CCDC57: variants seen among roughly 807,000 people sequenced by gnomAD.
CCDC57 encodes coiled-coil domain-containing protein 57.
CCDC57 carries 118 observed loss-of-function variants against 118.9 expected under a neutral mutation model. The observed-to-expected ratio is 0.99, with a 90% CI of 0.86 to 1.16. The LOEUF (loss-of-function observed/expected upper bound fraction) is 1.16. Among genes scored for constraint, CCDC57 ranks in the 50% most tolerant of loss-of-function variants. The pLI is 0.00. For missense variants in CCDC57, 1,300 were observed against 1,320.7 expected (o/e 0.98, Z 0.24); for synonymous variants, 527 against 532.9 (o/e 0.99, Z 0.15).
rs143792474 is a variant in CCDC57 at position 82,149,121 on chromosome 17, CATGG to C, written c.2455+2435_2455+2438del. On this transcript the variant is annotated intron_variant, in intron 16 of 19. Coordinates refer to ENST00000665763, the Ensembl canonical transcript of CCDC57. ...GATGGGTAGATGGGATAAGTGGTTG[CATGG>C]ATGGATGGATGGATGGATGGGTGGA... 3.0e-4 allele frequency among the ~76,000 whole-genome samples: 13 copies of C among 43,158 alleles called. 1 individual carries two copies. The South Asian group carries it at 0.012, about 39-fold the overall frequency. The allele number at this position is 43,158 out of a possible 152,430, so 28.3% of individuals were successfully genotyped here. A position where few individuals can be genotyped will look rare whatever the true frequency, so the allele number is the denominator to read the frequency against.
At chr17:82,195,116 C>T in intron 5 of CCDC57, 147 bp downstream of exon 4, 3 of 671,836 alleles carry the variant, frequency 4.5e-6, no homozygotes, top group Non-Finnish European at 8.0e-6. Flanking sequence ...ATCCACATGG[C>T]CCACCTGCTC....
At chr17:82,151,199 GCACATCCAGAACCTGACC>G (rs2041988661) in intron 16 of CCDC57, among the ~76,000 whole-genome samples, 18 of 47,386 alleles carry the variant, frequency 3.8e-4, no homozygotes, top group Admixed American at 4.5e-4. Flanking sequence ...AGAACCAGGC[GCACATCCAGAACCTGACC>G]CACACCCAGA....
chr17:82,121,923 C>G (rs566105688), intron 19 of CCDC57, among the ~76,000 whole-genome samples: 1 of 152,336 alleles, frequency 6.6e-6, no homozygotes, highest in South Asian at 2.1e-4. Flanking sequence ...CTTAACTGAT[C>G]CACACCAGCC....
chr17:82,149,634 G>A (rs184175821), intron 16 of CCDC57, among the ~76,000 whole-genome samples: 1 of 152,164 alleles, frequency 6.6e-6, no homozygotes, highest in South Asian at 2.1e-4. Flanking sequence ...AGTGGCCTCC[G>A]ACCAGGCCCC....
In CCDC57 at chr17:82,113,324, GT is replaced by G. The variant is rs773362904; in HGVS notation, c.2900-11459del. ...CCTGTAGCTTCAGTGACAAGGTGCT[GT>G]GGGGCTGTGCATCCAGCCTCATAAA... On this transcript the variant is annotated intron_variant, in intron 19 of 19. Transcript: ENST00000665763. 51 of 695,264 alleles carry G rather than the reference GT, an allele frequency of 7.3e-5. No individual in the cohort carries two copies. The South Asian group carries it at 7.5e-4, about 10-fold the overall frequency. The allele number at this position is 695,264 out of a possible 1,614,324, so 43.1% of individuals were successfully genotyped here. A position where few individuals can be genotyped will look rare whatever the true frequency, so the allele number is the denominator to read the frequency against.
rs573317569 is a variant in CCDC57 at position 82,133,203 on chromosome 17, T to C, written c.2577+870A>G. 9.2e-5 allele frequency among the ~76,000 whole-genome samples: 14 copies of C among 152,030 alleles called. No homozygotes were observed. The South Asian group carries it at 2.5e-3, about 27-fold the overall frequency. ...CTGGGCAACATGGCAAAACTCCATT[T>C]AAACAAAAAATATAAAAATTAGCCA... On this transcript the variant is annotated intron_variant, in intron 17 of 19. Coordinates refer to ENST00000665763, the Ensembl canonical transcript of CCDC57.
At chr17:82,139,200 T>A (rs1051407422) in intron 16 of CCDC57, among the ~76,000 whole-genome samples, 2 of 152,242 alleles carry the variant, frequency 1.3e-5, no homozygotes, top group African/African-American at 4.8e-5. Context: ...TGTCTAGAAC[T>A]CTTTTTTGGA....
chr17:82,109,011 T>C (rs1037526833), intron 19 of CCDC57: 3 of 152,224 alleles, frequency 2.0e-5, no homozygotes, highest in Admixed American at 6.5e-5. Context: ...CACAAAATCC[T>C]TCTACATCTT....
intron 16 of CCDC57, among the ~76,000 whole-genome samples, chr17:82,138,310 G>A (rs909119412): frequency 9.9e-5 from 15 of 151,444 alleles, no homozygotes; most frequent in East Asian, 4.0e-4. Flanking sequence ...CACCACGCCT[G>A]GCTAATTTTT....
chr17:82,183,283 G>A (rs1432476568), intron 9 of CCDC57, among the ~76,000 whole-genome samples: 3 of 152,138 alleles, frequency 2.0e-5, no homozygotes, highest in Non-Finnish European at 2.9e-5. Context: ...GGAAGTGTTC[G>A]CCCCAACGGA....
chr17:82,201,122 A>G (rs1310799628), intron 3 of CCDC57, among the ~76,000 whole-genome samples: 2 of 152,242 alleles, frequency 1.3e-5, no homozygotes, highest in African/African-American at 2.4e-5. Flanking sequence ...CAGGCCCCAC[A>G]ACAAAGGCTT....
intron 2 of CCDC57, among the ~76,000 whole-genome samples, chr17:82,205,390 T>C (rs547801497): frequency 2.2e-4 from 33 of 152,304 alleles, no homozygotes; most frequent in African/African-American, 7.9e-4. Flanking sequence ...AATCTGATCA[T>C]GCAATCTTAT....
chr17:82,137,674 TTTTC>T (rs897618644), intron 16 of CCDC57, among the ~76,000 whole-genome samples: 3 of 149,092 alleles, frequency 2.0e-5, no homozygotes, highest in African/African-American at 7.7e-5. Flanking sequence ...TTCAGGAGAC[TTTTC>T]TTTTTTTTTT....
intron 16 of CCDC57, among the ~76,000 whole-genome samples, chr17:82,138,525 T>C (rs920657550): frequency 6.6e-6 from 1 of 151,924 alleles, no homozygotes; most frequent in Non-Finnish European, 1.5e-5. Context: ...CCAGCCTGCA[T>C]GACAGAGGTC....
intron 2 of CCDC57, 35 bp from the exon 2 acceptor site, chr17:82,201,987 G>A (rs774797793): frequency 4.6e-5 from 69 of 1,512,074 alleles, no homozygotes; most frequent in Non-Finnish European, 5.6e-5. Context: ...AGGGTGCACC[G>A]TGAGGGGCCC....
chr17:82,126,131 T>G (rs1222785003), intron 19 of CCDC57, among the ~76,000 whole-genome samples: 1 of 151,834 alleles, frequency 6.6e-6, no homozygotes, highest in Non-Finnish European at 1.5e-5. Context: ...AAATACAAAA[T>G]TAGCCTGGAG....
chr17:82,189,869 G>C (rs1270489793), intron 7 of CCDC57, among the ~76,000 whole-genome samples: 1 of 152,140 alleles, frequency 6.6e-6, no homozygotes, highest in Non-Finnish European at 1.5e-5. Context: ...AATTAGCCGG[G>C]CATGGTGGCA....
At chr17:82,185,083 C>CT (rs1383016689) in intron 8 of CCDC57, 1 of 152,394 alleles carries the variant, frequency 6.6e-6, no homozygotes, top group Non-Finnish European at 1.5e-5. Flanking sequence ...CCTGGACAGT[C>CT]TCCCCTGATG....
chr17:82,151,689 T>C (rs867081610), exon 16 of CCDC57: 1 of 1,550,360 alleles, frequency 6.5e-7, no homozygotes, highest in Non-Finnish European at 8.7e-7. Context: ...ATAGATAAGG[T>C]CTGGGGGGCA....
Sources: gnomAD v4.1 joint callset for allele counts (sites outside exome capture counted in the v4.1 genomes callset) on GRCh38, gnomAD v4.1.1 for gene constraint, MANE v1.5 for transcripts, NCBI Gene and HGNC (gene_info 2026-07-23, HGNC 2026-07-21) for gene names.